The following GFRA2 variants were observed in gnomAD, a reference collection of about 807,000 sequenced individuals.
The protein encoded by GFRA2 is GDNF family receptor alpha 2.
A neutral mutation model predicts 48.3 loss-of-function variants in GFRA2; 17 were observed. That is an observed-to-expected ratio of 0.35 (90% CI 0.24 to 0.53). GFRA2 has a LOEUF of 0.53. GFRA2 is among the 20% of genes least tolerant of loss of function. The probability of loss-of-function intolerance (pLI) is 0.93; values close to 1 mark genes in which losing one functional copy is unlikely to be tolerated. For synonymous variants in GFRA2, 305 were observed against 257.2 expected (o/e 1.19, Z -1.78); for missense variants, 660 against 637.3 (o/e 1.04, Z -0.38).
intron 4 of GFRA2, among the ~76,000 whole-genome samples, chr8:21,718,780 T>C (rs1242187192): frequency 1.3e-5 from 2 of 152,142 alleles, no homozygotes; most frequent in African/African-American, 4.8e-5. Flanking sequence ...AATAGAGCCC[T>C]AGAGAGGTTA....
rs373092666 is a variant in GFRA2 at position 21,750,614 on chromosome 8, G to A, written c.768C>T (p.Gly256=). 1.1e-5 allele frequency: 18 copies of A among 1,610,564 alleles called. No homozygotes were observed. Among genetic ancestry groups the A allele is most frequent in the Admixed American group, 3.4e-5 (2 of 59,480 alleles). ...GACACAGGTGGTCAGTCCGGCACAC[G>A]CCACGCAGGTCCAGGCAGTTGGGCT... ...KEKPNCLDLR[G]VCRTDHLCRS... Residue 256 remains glycine, a synonymous_variant, in exon 4 of 9, where the codon GGC becomes GGT. Coordinates refer to ENST00000524240, the MANE Select transcript of GFRA2 (RefSeq NM_001495.5). This position sits in a 1 kb window ranked among gnomAD's most constrained non-coding sequence, Gnocchi z 5.7.
intron 4 of GFRA2, among the ~76,000 whole-genome samples, chr8:21,747,861 C>G (rs528881444): frequency 6.6e-6 from 1 of 152,130 alleles, no homozygotes; most frequent in Admixed American, 6.5e-5. Flanking sequence ...TGCACACATG[C>G]GCACACACAT....
At chr8:21,741,342 C>T (rs1185906965) in intron 4 of GFRA2, among the ~76,000 whole-genome samples, 1 of 152,202 alleles carries the variant, frequency 6.6e-6, no homozygotes, top group Non-Finnish European at 1.5e-5. Flanking sequence ...CTTGGTCTGA[C>T]ACCAGGCTCC....
At chr8:21,713,074 GAGAGGGAGAGGC>G (rs947200092) in intron 4 of GFRA2, among the ~76,000 whole-genome samples, 2,640 of 151,910 alleles carry the variant, frequency 0.017, 38 homozygotes, top group Middle Eastern at 0.051. Context: ...AAGGGAGAGG[GAGAGGGAGAGGC>G]AGAGGGAGAG....
intron 4 of GFRA2, among the ~76,000 whole-genome samples, chr8:21,712,489 G>A (rs1803101454): frequency 1.3e-5 from 2 of 151,628 alleles, no homozygotes; most frequent in African/African-American, 4.9e-5. Context: ...TAGATGGGAT[G>A]GCGGGCGGGC....
intron 3 of GFRA2, among the ~76,000 whole-genome samples, chr8:21,755,605 G>A (rs1805529318): frequency 6.6e-6 from 1 of 151,696 alleles, no homozygotes; most frequent in African/African-American, 2.4e-5. Context: ...GAAGTCAGGT[G>A]TGGAGAGAAA....
intron 4 of GFRA2, among the ~76,000 whole-genome samples, chr8:21,735,266 T>C (rs1334429802): frequency 1.3e-5 from 2 of 152,176 alleles, no homozygotes; most frequent in Non-Finnish European, 2.9e-5. Flanking sequence ...CCATCAACCA[T>C]GTTTTCAGGC....
intron 2 of GFRA2, among the ~76,000 whole-genome samples, 179 bp downstream of exon 2, chr8:21,782,406 C>T (rs1448008438): frequency 1.3e-5 from 2 of 151,776 alleles, no homozygotes; most frequent in Non-Finnish European, 2.9e-5. Flanking sequence ...CCAAACAATG[C>T]CACCCTCCTA....
chr8:21,745,191 A>G (rs1213870421), intron 4 of GFRA2, among the ~76,000 whole-genome samples: 1 of 152,166 alleles, frequency 6.6e-6, no homozygotes, highest in Non-Finnish European at 1.5e-5. Flanking sequence ...CGGCGAATCG[A>G]TGTGCTTGCT....
chr8:21,735,603 G>T (rs934748234), intron 4 of GFRA2, among the ~76,000 whole-genome samples: 1 of 152,130 alleles, frequency 6.6e-6, no homozygotes, highest in African/African-American at 2.4e-5. Flanking sequence ...CTCCTTAAAG[G>T]CGAGGTTTCA....
intron 1 of GFRA2, among the ~76,000 whole-genome samples, chr8:21,785,659 C>T (rs1187714880): frequency 1.3e-5 from 2 of 152,184 alleles, no homozygotes; most frequent in South Asian, 2.1e-4. Flanking sequence ...GAAAGTCAGT[C>T]GGAAGTGGCC....
rs578249835 is a variant in GFRA2, at chr8:21,750,049, G to A, written c.794+539C>T. Among the ~76,000 whole-genome samples the A allele has an allele frequency of 9.9e-4, 147 of 148,268 alleles. No homozygotes were observed. Among genetic ancestry groups the A allele is most frequent in the Non-Finnish European group, 1.8e-3 (117 of 66,282 alleles). The stretch of plus-strand genomic sequence containing the variant: ...TGAAATTTAGCTCTATATAATATAT[G>A]TAAGTATATATATGTGTATATATGT... On this transcript the variant is annotated intron_variant, in intron 4 of 8. Transcript: ENST00000524240. This position sits in a 1 kb window ranked among gnomAD's most constrained non-coding sequence, Gnocchi z 5.7.
At chr8:21,784,572 C>T (rs1185712847) in intron 1 of GFRA2, among the ~76,000 whole-genome samples, 1 of 152,236 alleles carries the variant, frequency 6.6e-6, no homozygotes, top group Non-Finnish European at 1.5e-5. Context: ...CCGAGAGCCC[C>T]CAGAGAACAG....
chr8:21,777,852 G>A (rs1470576707), intron 2 of GFRA2, among the ~76,000 whole-genome samples: 1 of 152,160 alleles, frequency 6.6e-6, no homozygotes, highest in African/African-American at 2.4e-5. Context: ...ACCCATCTAT[G>A]CCTCAGTTTC....
exon 1 of GFRA2, chr8:21,812,305 A>G (rs1401977509): frequency 6.6e-6 from 1 of 151,918 alleles, no homozygotes; most frequent in African/African-American, 2.4e-5. Context: ...TCCCGTTCCA[A>G]CTCCAGATCC....
upstream of GFRA2, chr8:21,789,144 G>C (rs898963560): frequency 8.3e-5 from 14 of 169,356 alleles, no homozygotes; most frequent in South Asian, 1.3e-3. Context: ...GCCGGGGATC[G>C]CGGGCCGAGA....
At chr8:21,702,379 G>A (rs1477894310) in intron 7 of GFRA2, among the ~76,000 whole-genome samples, 1 of 152,192 alleles carries the variant, frequency 6.6e-6, no homozygotes, top group Non-Finnish European at 1.5e-5. Context: ...TCTGCAATGG[G>A]TGCCCAGGAG....
chr8:21,730,047 G>A (rs1035888820), intron 4 of GFRA2, among the ~76,000 whole-genome samples: 2 of 151,446 alleles, frequency 1.3e-5, no homozygotes, highest in Admixed American at 6.6e-5. Context: ...CTTGGTGGGA[G>A]GGGGGGCCTC....
intron 4 of GFRA2, among the ~76,000 whole-genome samples, chr8:21,708,506 C>T (rs4237071): frequency 0.6 from 91,014 of 152,004 alleles, 27,488 homozygotes; most frequent in East Asian, 0.76. Flanking sequence ...TTCAATTATA[C>T]GTCCCCCACA....
Sources: allele counts gnomAD v4.1 joint callset (sites outside exome capture counted in the v4.1 genomes callset), GRCh38; gene constraint gnomAD v4.1.1; non-coding constraint Gnocchi (gnomAD v3.1); transcripts MANE v1.5; gene names NCBI Gene and HGNC (gene_info 2026-07-23, HGNC 2026-07-21).